PLXNC1: variants seen among roughly 807,000 people sequenced by gnomAD.
PLXNC1 encodes the protein plexin C1.
In PLXNC1, 75 loss-of-function variants were observed where a neutral mutation model predicts 178.2. That is an observed-to-expected ratio of 0.42 (90% CI 0.35 to 0.51). PLXNC1 has a LOEUF of 0.51. Ranked by LOEUF, PLXNC1 falls within the 20% of genes least tolerant of loss-of-function variation. The pLI is 0.02. For missense variants in PLXNC1, 1,503 were observed against 1,984.4 expected, an observed-to-expected ratio of 0.76 and a Z score of 4.61; for synonymous variants, 790 against 779.9, an observed-to-expected ratio of 1.01 and a Z score of -0.22.
chr12:94,302,989 T>G (rs1176415327), intron 28 of PLXNC1, among the ~76,000 whole-genome samples: 1 of 152,214 alleles, frequency 6.6e-6, no homozygotes, highest in African/African-American at 2.4e-5. Flanking sequence ...TCAGAATGAT[T>G]CATCAAGCCA....
At chr12:94,268,871 A>G (rs964236431) in intron 21 of PLXNC1, among the ~76,000 whole-genome samples, 1 of 152,136 alleles carries the variant, frequency 6.6e-6, no homozygotes, top group African/African-American at 2.4e-5. Flanking sequence ...CTGGGATTAC[A>G]GGTGTGAGCA....
At chr12:94,206,503 T>C (rs751557426) in intron 4 of PLXNC1, among the ~76,000 whole-genome samples, 146 of 148,642 alleles carry the variant, frequency 9.8e-4, no homozygotes, top group Non-Finnish European at 1.8e-3. Flanking sequence ...TTTTTTTTTT[T>C]CCTTCAGGCA....
intron 1 of PLXNC1, chr12:94,151,016 G>T (rs950002892): frequency 6.6e-6 from 1 of 152,202 alleles, no homozygotes; most frequent in Non-Finnish European, 1.5e-5. Flanking sequence ...TCCGGAGGCC[G>T]TTTCCCTTCC....
At chr12:94,238,868 T>G (rs891380886) in intron 10 of PLXNC1, among the ~76,000 whole-genome samples, 4 of 152,230 alleles carry the variant, frequency 2.6e-5, no homozygotes, top group Non-Finnish European at 5.9e-5. Flanking sequence ...TTCTGCTATT[T>G]GCCAGAATTA....
chr12:94,229,170 CT>C (rs916883422), intron 9 of PLXNC1, among the ~76,000 whole-genome samples: 1 of 152,088 alleles, frequency 6.6e-6, no homozygotes, highest in African/African-American at 2.4e-5. Context: ...TGTTGAGCAT[CT>C]TTGTGTATGC....
Position 94,265,123 on chromosome 12 carries a change from C to A in PLXNC1, c.3495C>A (p.Asn1165Lys), listed in dbSNP as rs748882941. The change falls in exon 21 of 31, where the codon AAC becomes AAA. Residue 1165 changes from asparagine to lysine, a missense_variant. By Grantham distance (94) the Asn-to-Lys change is moderately conservative. Coordinates refer to ENST00000258526, the MANE Select transcript of PLXNC1 (RefSeq NM_005761.3). ...EPFYLLVTTLNQKINKGPVDV... is the reference protein window; with the variant it reads ...EPFYLLVTTLKQKINKGPVDV... Reference sequence around the variant, plus strand: ...TCTATTTGCTGGTGACGACTCTGAACCAGAAAATTAACAAGGGTCCCGTGG... The same window carrying A: ...TCTATTTGCTGGTGACGACTCTGAAACAGAAAATTAACAAGGGTCCCGTGG... 2 of 1,614,004 alleles carry A rather than the reference C, an allele frequency of 1.2e-6. No individual in the cohort carries two copies. The highest frequency in any genetic ancestry group is 2.7e-5 in the African/African-American group (2 of 74,910).
At chr12:94,227,360 G>T (rs1370299231) in intron 9 of PLXNC1, 125 bp downstream of exon 9, 5 of 591,044 alleles carry the variant, frequency 8.5e-6, no homozygotes, top group African/African-American at 3.7e-5. Context: ...ATTCCCTTTT[G>T]TGTCTTTGGT....
chr12:94,244,427 A>G (rs1002689867), intron 12 of PLXNC1, among the ~76,000 whole-genome samples: 1 of 152,244 alleles, frequency 6.6e-6, no homozygotes, highest in African/African-American at 2.4e-5. Flanking sequence ...TTGGGTTCAC[A>G]GAGGTTAGAT....
chr12:94,169,369 G>A, intron 2 of PLXNC1, 76 bp downstream of exon 2: 1 of 1,266,188 alleles, frequency 7.9e-7, no homozygotes, highest in Non-Finnish European at 1.1e-6. Flanking sequence ...TTTTTTTAAT[G>A]CTTCTGGGTT....
chr12:94,183,705 C>T (rs111470589), intron 3 of PLXNC1, among the ~76,000 whole-genome samples: 2 of 152,324 alleles, frequency 1.3e-5, no homozygotes, highest in East Asian at 1.9e-4. Context: ...GAACTCAGGA[C>T]CCCAGGCTGG....
intron 2 of PLXNC1, among the ~76,000 whole-genome samples, chr12:94,173,797 G>C (rs1055230166): frequency 1.3e-5 from 2 of 152,196 alleles, no homozygotes; most frequent in African/African-American, 4.8e-5. Flanking sequence ...TTCATAAGAA[G>C]GGGCCGAGAA....
At chr12:94,261,375 C>T (rs1006426445) in intron 20 of PLXNC1, among the ~76,000 whole-genome samples, 1 of 152,216 alleles carries the variant, frequency 6.6e-6, no homozygotes, top group Non-Finnish European at 1.5e-5. Flanking sequence ...CAAATGCAAA[C>T]TTTCTATAGA....
rs746315903 is a variant in PLXNC1 at position 94,184,567 on chromosome 12, C to A, written c.1339-1806C>A. On this transcript the variant is annotated intron_variant, in intron 3 of 30. Transcript: ENST00000258526. ...CCTCCTGACTAGCTGGGATTACAGA[C>A]GCCCACCACTATGCCCAGCTAAATT... is the stretch of plus-strand genomic sequence containing the variant. Among the ~76,000 whole-genome samples, 9 of 152,142 alleles carry A rather than the reference C, an allele frequency of 5.9e-5. No homozygotes were observed. In the South Asian group the frequency reaches 1.0e-3, roughly 18 times the overall value.
intron 21 of PLXNC1, among the ~76,000 whole-genome samples, chr12:94,278,306 A>G (rs1966141786): frequency 6.6e-6 from 1 of 152,222 alleles, no homozygotes. Context: ...ATGTTATGCT[A>G]TTTGCAAAAT....
At chr12:94,214,040 T>G (rs11107452) in intron 5 of PLXNC1, among the ~76,000 whole-genome samples, 29,944 of 151,532 alleles carry the variant, frequency 0.2, 3,115 homozygotes, top group Middle Eastern at 0.26. Context: ...CTAATTGGAA[T>G]AAAAGTATTC....
At chr12:94,179,330 A>C (rs1319829166) in intron 2 of PLXNC1, among the ~76,000 whole-genome samples, 1 of 152,226 alleles carries the variant, frequency 6.6e-6, no homozygotes. Flanking sequence ...GAATACAGAT[A>C]ATCTATCTGG....
chr12:94,239,573 C>T (rs565086483), intron 10 of PLXNC1, among the ~76,000 whole-genome samples: 6 of 152,288 alleles, frequency 3.9e-5, no homozygotes, highest in South Asian at 2.1e-4. Flanking sequence ...TCATGTAGCA[C>T]GGTTATACTG....
intron 2 of PLXNC1, among the ~76,000 whole-genome samples, chr12:94,176,700 G>A (rs568328417): frequency 5.9e-5 from 9 of 152,254 alleles, no homozygotes; most frequent in Admixed American, 2.6e-4. Flanking sequence ...GGCAACCAAT[G>A]ATAGTAGTTT....
intron 20 of PLXNC1, among the ~76,000 whole-genome samples, chr12:94,262,296 G>A (rs969002997): frequency 2.6e-5 from 4 of 152,224 alleles, no homozygotes; most frequent in Non-Finnish European, 5.9e-5. Context: ...TGTGTCCCTG[G>A]GCATGGCTTT....
Sources: gnomAD v4.1 joint callset for allele counts (sites outside exome capture counted in the v4.1 genomes callset) on GRCh38, gnomAD v4.1.1 for gene constraint, MANE v1.5 for transcripts, NCBI Gene and HGNC (gene_info 2026-07-23, HGNC 2026-07-21) for gene names.